NRXN1: variants seen among roughly 807,000 people sequenced by gnomAD.
NRXN1 encodes the protein neurexin 1, also known as neurexin-1.
A neutral mutation model predicts 150.9 loss-of-function variants in NRXN1; 39 were observed. The observed-to-expected ratio is 0.26, with a 90% CI of 0.20 to 0.34. The LOEUF (loss-of-function observed/expected upper bound fraction) is 0.34. Ranked by LOEUF, NRXN1 falls within the 10% of genes least tolerant of loss-of-function variation. NRXN1 has a pLI of 1.00. For synonymous variants in NRXN1, 924 were observed against 757.0 expected, an observed-to-expected ratio of 1.22 and a Z score of -3.62; for missense variants, 1,815 against 1,949.9, an observed-to-expected ratio of 0.93 and a Z score of 1.30.
intron 18 of NRXN1, among the ~76,000 whole-genome samples, chr2:50,199,563 CACACAT>C (rs1458048357): frequency 2.3e-4 from 34 of 150,714 alleles, no homozygotes; most frequent in African/African-American, 8.1e-4. Flanking sequence ...CACACACACA[CACACAT>C]GCACACTGAC....
chr2:50,141,264 G>T (rs914317548), intron 18 of NRXN1, among the ~76,000 whole-genome samples: 1 of 151,914 alleles, frequency 6.6e-6, no homozygotes, highest in African/African-American at 2.4e-5. Flanking sequence ...ATATGCAGAA[G>T]AATTACATTA....
chr2:50,666,365 TG>T, intron 5 of NRXN1, among the ~76,000 whole-genome samples: 1 of 152,080 alleles, frequency 6.6e-6, no homozygotes, highest in East Asian at 1.9e-4. Context: ...GTCACTACAG[TG>T]AATTTTTCTT....
intron 19 of NRXN1, among the ~76,000 whole-genome samples, chr2:50,058,877 GA>G (rs1694059577): frequency 6.6e-6 from 1 of 152,146 alleles, no homozygotes; most frequent in Admixed American, 6.6e-5. Flanking sequence ...CCATGATTGT[GA>G]GGCCTCCCAA....
At chr2:50,140,956 C>T (rs993509915) in intron 18 of NRXN1, among the ~76,000 whole-genome samples, 9 of 151,714 alleles carry the variant, frequency 5.9e-5, no homozygotes, top group Admixed American at 2.6e-4. Flanking sequence ...TATGTATATA[C>T]GTATAATTTT....
rs144759331 is a variant in NRXN1, at chr2:51,023,285, C to T, written c.772+4217G>A. On this transcript the variant is annotated intron_variant, in intron 2 of 22. Coordinates refer to ENST00000401669, the MANE Select transcript of NRXN1 (RefSeq NM_001330078.2). ...CCTACCATCCACACTACACTCTTTG[C>T]ATTACTATTTTATCACTTTTACAGT... 3.0e-3 allele frequency among the ~76,000 whole-genome samples: 452 copies of T among 152,252 alleles called. 2 individuals carry two copies. The highest frequency in any genetic ancestry group is 5.0e-3 in the Non-Finnish European group (341 of 68,002).
intron 18 of NRXN1, among the ~76,000 whole-genome samples, chr2:50,127,560 C>T (rs927564439): frequency 6.6e-6 from 1 of 152,122 alleles, no homozygotes; most frequent in African/African-American, 2.4e-5. Flanking sequence ...CAGGGCTCCA[C>T]AGGAAACTGT....
intron 2 of NRXN1, among the ~76,000 whole-genome samples, chr2:50,992,006 C>G (rs1250927169): frequency 6.6e-6 from 1 of 151,910 alleles, no homozygotes; most frequent in Non-Finnish European, 1.5e-5. Flanking sequence ...ATCTTTTCGT[C>G]TAAAAGCCTA....
intron 21 of NRXN1, among the ~76,000 whole-genome samples, chr2:49,983,954 A>G (rs758221407): frequency 7.2e-5 from 11 of 152,024 alleles, no homozygotes; most frequent in Admixed American, 2.6e-4. Flanking sequence ...CTTGAGGCCA[A>G]GAGTTTGAGA....
chr2:50,149,749 A>T, intron 18 of NRXN1, among the ~76,000 whole-genome samples: 1 of 151,636 alleles, frequency 6.6e-6, no homozygotes, highest in East Asian at 1.9e-4. Context: ...AACACCAAAA[A>T]TGTTGAATAT....
chr2:50,048,443 T>C (rs1228281696), intron 21 of NRXN1, among the ~76,000 whole-genome samples: 1 of 152,164 alleles, frequency 6.6e-6, no homozygotes, highest in African/African-American at 2.4e-5. Flanking sequence ...GGTTAATTAA[T>C]ATTTTTAATA....
rs561859666 is a variant in NRXN1 at position 50,468,904 on chromosome 2, C to T, written c.3245-3343G>A. Among the ~76,000 whole-genome samples, 16 of 151,602 alleles carry T rather than the reference C, an allele frequency of 1.1e-4. No homozygotes were observed. The South Asian group carries it at 2.9e-3, about 28-fold the overall frequency. On this transcript the variant is annotated intron_variant, in intron 16 of 22. Transcript: ENST00000401669. ...GTCACGATTAAACAGAAAATTATTC[C>T]TGTAGATATAATGGAGCCTAGAGCT...
At chr2:50,863,271 A>C (rs1402398886) in intron 5 of NRXN1, among the ~76,000 whole-genome samples, 2 of 152,082 alleles carry the variant, frequency 1.3e-5, no homozygotes, top group Non-Finnish European at 2.9e-5. Context: ...AATGATTATC[A>C]AAAAGAGCTC....
At chr2:50,434,817 TC>T (rs1218514945) in intron 17 of NRXN1, among the ~76,000 whole-genome samples, 1 of 151,970 alleles carries the variant, frequency 6.6e-6, no homozygotes, top group Non-Finnish European at 1.5e-5. Context: ...TTTTTTTCCC[TC>T]CTGCAGATCA....
At chr2:50,594,071 C>T (rs183266201) in intron 8 of NRXN1, among the ~76,000 whole-genome samples, 22 of 152,300 alleles carry the variant, frequency 1.4e-4, no homozygotes, top group African/African-American at 3.1e-4. Context: ...TTATTTGCTT[C>T]GCCTTCCACC....
At chr2:50,298,193 C>G (rs1558477779) in intron 17 of NRXN1, among the ~76,000 whole-genome samples, 1 of 152,112 alleles carries the variant, frequency 6.6e-6, no homozygotes, top group Non-Finnish European at 1.5e-5. Flanking sequence ...TCTTGGCTCC[C>G]TTTCTTCAGG....
intron 2 of NRXN1, among the ~76,000 whole-genome samples, chr2:50,972,023 C>CTGGA (rs941480470): frequency 1.3e-5 from 2 of 151,840 alleles, no homozygotes; most frequent in African/African-American, 4.8e-5. Flanking sequence ...AAGAGATATC[C>CTGGA]TGGAGACTCA....
At chr2:50,987,205 G>C (rs1199898069) in intron 2 of NRXN1, among the ~76,000 whole-genome samples, 1 of 151,620 alleles carries the variant, frequency 6.6e-6, no homozygotes, top group Non-Finnish European at 1.5e-5. Flanking sequence ...CTACTTATTA[G>C]TAAATAAACA....
At chr2:49,958,908 G>C (rs546606184) in intron 21 of NRXN1, among the ~76,000 whole-genome samples, 19 of 152,254 alleles carry the variant, frequency 1.2e-4, no homozygotes, top group Admixed American at 4.6e-4. Flanking sequence ...TCCGTCCTGA[G>C]AAATGAGAAA....
chr2:50,721,153 C>T (rs1696593913), intron 5 of NRXN1, among the ~76,000 whole-genome samples: 1 of 152,126 alleles, frequency 6.6e-6, no homozygotes, highest in Admixed American at 6.5e-5. Context: ...GACTCTTCGG[C>T]TTCCAAGGAC....
Sources: allele counts gnomAD v4.1 joint callset (sites outside exome capture counted in the v4.1 genomes callset), GRCh38; gene constraint gnomAD v4.1.1; transcripts MANE v1.5; gene names NCBI Gene and HGNC (gene_info 2026-07-23, HGNC 2026-07-21).